The following UBASH3A variants were observed in gnomAD, a reference collection of about 807,000 sequenced individuals.
The protein encoded by UBASH3A is ubiquitin associated and SH3 domain containing A, also known as ubiquitin-associated and SH3 domain-containing protein A.
A neutral mutation model predicts 73.5 loss-of-function variants in UBASH3A; 63 were observed. The ratio of observed to expected loss-of-function variants is 0.86; its 90% CI spans 0.70 to 1.06. The LOEUF is 1.06. UBASH3A is among the 50% of genes least tolerant of loss of function. The pLI, the probability that UBASH3A is intolerant of heterozygous loss-of-function variation, is 0.00. For missense variants in UBASH3A, 860 were observed against 859.0 expected (o/e 1.00, Z -0.02); for synonymous variants, 363 against 351.1 (o/e 1.03, Z -0.38).
chr21:42,423,281 C>T (rs1048792727), intron 7 of UBASH3A, among the ~76,000 whole-genome samples: 1 of 152,190 alleles, frequency 6.6e-6, no homozygotes, highest in Non-Finnish European at 1.5e-5. Flanking sequence ...TAGACATGTC[C>T]GTGGGTCCAG....
At chr21:42,422,240 T>C (rs1363973498) in intron 7 of UBASH3A, among the ~76,000 whole-genome samples, 1 of 152,216 alleles carries the variant, frequency 6.6e-6, no homozygotes, top group South Asian at 2.1e-4. Flanking sequence ...AATGCAAATG[T>C]GGGATGAAAA....
At chr21:42,441,773 A>G (rs1275419014) in intron 11 of UBASH3A, among the ~76,000 whole-genome samples, 1 of 152,206 alleles carries the variant, frequency 6.6e-6, no homozygotes, top group Non-Finnish European at 1.5e-5. Flanking sequence ...AGCTCCTTCC[A>G]TGGACCTAAA....
At chr21:42,442,994 C>G (rs1450694881) in intron 12 of UBASH3A, among the ~76,000 whole-genome samples, 1 of 152,184 alleles carries the variant, frequency 6.6e-6, no homozygotes, top group Non-Finnish European at 1.5e-5. Flanking sequence ...GCCCAAGGGT[C>G]AAGACCTCAT....
intron 7 of UBASH3A, among the ~76,000 whole-genome samples, chr21:42,420,046 A>G (rs2053305950): frequency 6.6e-6 from 1 of 152,172 alleles, no homozygotes; most frequent in Admixed American, 6.5e-5. Flanking sequence ...TTGTTAGAGT[A>G]GCACCCCATT....
intron 10 of UBASH3A, among the ~76,000 whole-genome samples, chr21:42,437,128 C>T (rs901856834): frequency 6.6e-6 from 1 of 152,244 alleles, no homozygotes; most frequent in Non-Finnish European, 1.5e-5. Context: ...CATGTGGTCC[C>T]CTCCATCTTT....
At chr21:42,424,731 T>C (rs883869) in intron 7 of UBASH3A, among the ~76,000 whole-genome samples, 72,506 of 152,074 alleles carry the variant, frequency 0.48, 17,566 homozygotes, top group African/African-American at 0.53. Flanking sequence ...TAAATTGCAT[T>C]CTGCCAACAT....
intron 2 of UBASH3A, among the ~76,000 whole-genome samples, chr21:42,408,659 G>A (rs570283569): frequency 1.8e-4 from 27 of 152,162 alleles, no homozygotes; most frequent in South Asian, 8.3e-4. Context: ...GAAAAATGCC[G>A]TCTCGGAGCT....
In UBASH3A at chr21:42,413,141, G is replaced by A. The variant is rs1458099861; in HGVS notation, c.472G>A (p.Gly158Ser). The A allele has an allele frequency of 6.8e-6, 11 of 1,614,132 alleles. No individual in the cohort carries two copies. Among genetic ancestry groups the A allele is most frequent in the East Asian group, 2.2e-5 (1 of 44,872 alleles). Residue 158 changes from glycine (G) to serine (S), a missense_variant, in exon 4 of 15, where the codon GGC (glycine) becomes AGC (serine). Transcript: ENST00000319294. The surrounding 1 kb of genome is among the most constrained non-coding windows in gnomAD (Gnocchi z 4.5). ...LALHSSISYLGFFVSGSPADV... is the reference protein window; with the variant it reads ...LALHSSISYLSFFVSGSPADV... ...TCTCCACTCCTCCATCAGCTACCTCGGCTTCTTCGTCAGTGGCAGCCCCGC... is the reference window on the plus strand; with the variant it reads ...TCTCCACTCCTCCATCAGCTACCTCAGCTTCTTCGTCAGTGGCAGCCCCGC...
At chr21:42,432,280 C>A in intron 9 of UBASH3A, 78 bp downstream of exon 9, 1 of 960,198 alleles carries the variant, frequency 1.0e-6, no homozygotes, top group South Asian at 1.4e-5. Context: ...AATGACCTTA[C>A]ATGGCACCAG....
chr21:42,416,636 TAAG>T (rs779337324), intron 6 of UBASH3A, 25 bp downstream of exon 6: 20 of 1,500,698 alleles, frequency 1.3e-5, no homozygotes, highest in Non-Finnish European at 1.5e-5. Context: ...CAGGGGCTCA[TAAG>T]AAGCAGATGA....
intron 5 of UBASH3A, among the ~76,000 whole-genome samples, chr21:42,414,567 TGC>T (rs1275818263): frequency 6.6e-6 from 1 of 152,088 alleles, no homozygotes; most frequent in African/African-American, 2.4e-5. Context: ...CCTGTGCAGA[TGC>T]GATTGGTTGG....
At chr21:42,405,830 A>G (rs2052957770) in intron 1 of UBASH3A, among the ~76,000 whole-genome samples, 1 of 152,130 alleles carries the variant, frequency 6.6e-6, no homozygotes. Context: ...AGCCGTAACA[A>G]GTGCCTGCCT....
intron 11 of UBASH3A, among the ~76,000 whole-genome samples, chr21:42,440,321 G>C (rs192312638): frequency 6.6e-6 from 1 of 152,364 alleles, no homozygotes; most frequent in East Asian, 1.9e-4. Flanking sequence ...GGACCCTTCA[G>C]TGTGAGGGTG....
Position 42,416,470 on chromosome 21 carries a change from G to A in UBASH3A, c.696G>A (p.Gln232=). 1 of 1,598,724 alleles carries A rather than the reference G, an allele frequency of 6.3e-7. No individual in the cohort carries two copies. Among genetic ancestry groups the A allele is most frequent in the Non-Finnish European group, 8.5e-7 (1 of 1,173,118 alleles). The part of the protein sequence containing the change: ...KYCSVKPCTK[Q]LHLTLAHKFY... ...GCTCCGTGAAGCCTTGCACCAAACAGCTGCATCTGACCTTGGCCCACAAGT... is the reference window on the plus strand; with the variant it reads ...GCTCCGTGAAGCCTTGCACCAAACAACTGCATCTGACCTTGGCCCACAAGT... Residue 232 remains glutamine (Q), a synonymous_variant, in exon 6 of 15, where the codon CAG becomes CAA. Coordinates refer to ENST00000319294, the MANE Select transcript of UBASH3A (RefSeq NM_018961.4).
At chr21:42,427,340 C>T (rs1450876595) in intron 8 of UBASH3A, among the ~76,000 whole-genome samples, 1 of 152,166 alleles carries the variant, frequency 6.6e-6, no homozygotes, top group African/African-American at 2.4e-5. Flanking sequence ...ACATCACATC[C>T]CTGATCCCTG....
intron 1 of UBASH3A, among the ~76,000 whole-genome samples, chr21:42,405,731 C>T (rs1031456346): frequency 1.3e-5 from 2 of 152,122 alleles, no homozygotes; most frequent in African/African-American, 2.4e-5. Flanking sequence ...ACTTACGTCC[C>T]GGGTTACCGT....
At chr21:42,416,641 A>G (rs1194343261) in intron 6 of UBASH3A, 30 bp downstream of exon 6, 7 of 1,490,492 alleles carry the variant, frequency 4.7e-6, no homozygotes, top group Non-Finnish European at 6.3e-6. Context: ...GCTCATAAGA[A>G]GCAGATGAAT....
rs150206044 is a variant in UBASH3A, at chr21:42,413,763, C to T, written c.667+240C>T. 6.6e-6 allele frequency among the ~76,000 whole-genome samples: 1 copy of T among 152,176 alleles called. No individual in the cohort carries two copies. Among genetic ancestry groups the T allele is most frequent in the Non-Finnish European group, 1.5e-5 (1 of 68,032 alleles). ...TTGAGTGGGAGACACACAAGTCCTA[C>T]GTGACTTATTTCTGTATTTTCAGTA... is the stretch of plus-strand genomic sequence containing the variant. On this transcript the variant is annotated intron_variant, in intron 5 of 14. Coordinates refer to ENST00000319294, the MANE Select transcript of UBASH3A (RefSeq NM_018961.4). This position sits in a 1 kb window ranked among gnomAD's most constrained non-coding sequence, Gnocchi z 4.5.
At position 42,418,543 on chromosome 21, in the gene UBASH3A, G is replaced by C. The variant is rs145049024; in HGVS notation, c.980G>C (p.Cys327Ser). ...WVIGISQRTGCRGFLPENYTD... is the reference protein window; with the variant it reads ...WVIGISQRTGSRGFLPENYTD... ...ATTGGGATCTCACAGCGGACGGGCT[G>C]CCGGGGCTTCCTGCCGGAAAACTAC... The change falls in exon 7 of 15, where the codon TGC becomes TCC. Residue 327 changes from cysteine (C) to serine (S), a missense_variant. Transcript: ENST00000319294. The C allele has an allele frequency of 6.8e-6, 11 of 1,614,064 alleles. No homozygotes were observed. In the African/African-American group the frequency reaches 1.3e-4, roughly 20 times the overall value.
Sources: gnomAD v4.1 joint callset for allele counts (sites outside exome capture counted in the v4.1 genomes callset) on GRCh38, gnomAD v4.1.1 for gene constraint, Gnocchi (gnomAD v3.1) non-coding constraint, MANE v1.5 for transcripts, NCBI Gene and HGNC (gene_info 2026-07-23, HGNC 2026-07-21) for gene names.